APIP: variants seen among roughly 807,000 people sequenced by gnomAD.
APIP encodes methylthioribulose-1-phosphate dehydratase.
APIP carries 32 observed loss-of-function variants against 32.0 expected under a neutral mutation model. The ratio of observed to expected loss-of-function variants is 1.00; its 90% CI spans 0.76 to 1.34. The LOEUF (loss-of-function observed/expected upper bound fraction) is 1.34, where lower values mean the gene tolerates loss of function less well. APIP is among the 40% of genes most tolerant of loss of function. APIP has a pLI of 0.00. For missense variants in APIP, 247 were observed against 298.6 expected, an observed-to-expected ratio of 0.83 and a Z score of 1.27; for synonymous variants, 92 against 94.8, an observed-to-expected ratio of 0.97 and a Z score of 0.17.
chr11:34,903,788 CTT>C (rs1414070973), intron 1 of APIP, among the ~76,000 whole-genome samples: 1 of 152,168 alleles, frequency 6.6e-6, no homozygotes, highest in African/African-American at 2.4e-5. Context: ...GAATGGACCA[CTT>C]TGTCTCGAGG....
intron 1 of APIP, among the ~76,000 whole-genome samples, chr11:34,895,331 CATAT>C (rs1853251445): frequency 6.6e-6 from 1 of 152,112 alleles, no homozygotes; most frequent in Non-Finnish European, 1.5e-5. Flanking sequence ...GGTATAGGGC[CATAT>C]AGTCCAACAC....
At chr11:34,883,585 A>T in intron 5 of APIP, 81 bp from the exon 6 acceptor site, 1 of 1,440,912 alleles carries the variant, frequency 6.9e-7, no homozygotes, top group South Asian at 1.3e-5. Context: ...TTTTTCAAGT[A>T]ACCAGTTAGA....
intron 1 of APIP, among the ~76,000 whole-genome samples, chr11:34,914,209 CATGTT>C (rs1853609255): frequency 6.6e-6 from 1 of 152,192 alleles, no homozygotes; most frequent in African/African-American, 2.4e-5. Context: ...CAAACTATGT[CATGTT>C]GTCATACCAT....
intron 1 of APIP, among the ~76,000 whole-genome samples, chr11:34,898,519 G>A (rs1853315932): frequency 6.6e-6 from 1 of 152,122 alleles, no homozygotes; most frequent in Admixed American, 6.5e-5. Flanking sequence ...TTTTGGCAGA[G>A]AATCCCCAGC....
chr11:34,891,878 A>G (rs1250372529), intron 2 of APIP, among the ~76,000 whole-genome samples: 5 of 152,322 alleles, frequency 3.3e-5, no homozygotes, highest in African/African-American at 1.2e-4. Context: ...TCCTTGTGTA[A>G]CATGGAAGAA....
At chr11:34,895,726 G>C (rs191529676) in intron 1 of APIP, among the ~76,000 whole-genome samples, 1 of 143,430 alleles carries the variant, frequency 7.0e-6, no homozygotes, top group Non-Finnish European at 1.5e-5. Flanking sequence ...ATGAAGATAC[G>C]TGTTTATGAG....
At chr11:34,896,750 A>AT in intron 1 of APIP, 1 of 1,238,838 alleles carries the variant, frequency 8.1e-7, no homozygotes. Flanking sequence ...AACAAAGGAA[A>AT]ATGAGACTAC....
At chr11:34,907,415 C>T (rs888020702) in intron 1 of APIP, among the ~76,000 whole-genome samples, 3 of 152,224 alleles carry the variant, frequency 2.0e-5, no homozygotes, top group South Asian at 4.1e-4. Context: ...TCCAGTGCTG[C>T]GATATTACAG....
chr11:34,888,835 T>C lies in APIP; in HGVS notation c.242A>G (p.Lys81Arg), dbSNP rs149670209. Residue 81 changes from lysine to arginine, a missense_variant, in exon 4 of 7, where the codon AAG becomes AGG. Physicochemically the swap from Lys to Arg is conservative, Grantham distance 26. Coordinates refer to ENST00000395787, the MANE Select transcript of APIP (RefSeq NM_015957.4). ...CGATGGCGAAGGTCCACTTATGTCCTTTTCATTTATATCACAAACAAACAT... is the reference window on the plus strand; with the variant it reads ...CGATGGCGAAGGTCCACTTATGTCCCTTTCATTTATATCACAAACAAACAT... ...EDMFVCDINE[K>R]DISGPSPSKK... The C allele has an allele frequency of 1.3e-6, 2 of 1,500,566 alleles. No homozygotes were observed. The highest frequency in any genetic ancestry group is 1.5e-5 in the African/African-American group (1 of 67,830). The allele number at this position is 1,500,566 out of a possible 1,614,324, so 93.0% of individuals were successfully genotyped here.
rs549073155 is a variant in APIP, at chr11:34,889,017, T to C, written c.208-148A>G. 10 of 388,946 alleles carry C rather than the reference T, an allele frequency of 2.6e-5. No homozygotes were observed. The East Asian group carries it at 3.9e-4, about 15-fold the overall frequency. 24.1% of individuals were successfully genotyped at this position (388,946 alleles called of 1,614,324 possible). On this transcript the variant is annotated intron_variant, in intron 3 of 6. Coordinates refer to ENST00000395787, the MANE Select transcript of APIP (RefSeq NM_015957.4). ...TGTGTATATTTAGTATACATATACA[T>C]AGAGTGCTAATATATGCATATATTT...
intron 1 of APIP, among the ~76,000 whole-genome samples, chr11:34,898,151 TTCA>T (rs1853308867): frequency 6.6e-6 from 1 of 152,164 alleles, no homozygotes; most frequent in South Asian, 2.1e-4. Flanking sequence ...AGGTACAACA[TTCA>T]TCGGATGGTG....
At chr11:34,902,702 C>G (rs1026160167) in intron 1 of APIP, among the ~76,000 whole-genome samples, 3 of 152,184 alleles carry the variant, frequency 2.0e-5, no homozygotes, top group Non-Finnish European at 4.4e-5. Flanking sequence ...ACCTGGGAAC[C>G]TGAAGCTCAA....
intron 1 of APIP, among the ~76,000 whole-genome samples, chr11:34,915,082 C>T (rs1445190245): frequency 6.0e-5 from 9 of 150,292 alleles, no homozygotes; most frequent in African/African-American, 2.2e-4. Context: ...ACATGCCTGT[C>T]CACCAAGCTG....
chr11:34,913,586 T>C (rs1171637273), intron 1 of APIP, among the ~76,000 whole-genome samples: 1 of 152,178 alleles, frequency 6.6e-6, no homozygotes, highest in Non-Finnish European at 1.5e-5. Flanking sequence ...CAGGGAGTGT[T>C]ACAGCTCATA....
At chr11:34,886,337 T>A (rs959129179) in intron 5 of APIP, among the ~76,000 whole-genome samples, 1 of 151,612 alleles carries the variant, frequency 6.6e-6, no homozygotes, top group Non-Finnish European at 1.5e-5. Context: ...TTAAAAAAAA[T>A]TAAAATAGAA....
chr11:34,886,103 T>C (rs532815770), intron 5 of APIP, among the ~76,000 whole-genome samples: 4 of 152,280 alleles, frequency 2.6e-5, no homozygotes, highest in South Asian at 2.1e-4. Context: ...AAAAGTTAAC[T>C]GTAAAGCAGC....
At chr11:34,908,714 T>C (rs1319500289) in intron 1 of APIP, among the ~76,000 whole-genome samples, 1 of 152,262 alleles carries the variant, frequency 6.6e-6, no homozygotes, top group Non-Finnish European at 1.5e-5. Context: ...ACCAGTAGTC[T>C]GTTCTATGTT....
chr11:34,911,488 T>C (rs1853550121), intron 1 of APIP, among the ~76,000 whole-genome samples: 2 of 149,658 alleles, frequency 1.3e-5, no homozygotes, highest in South Asian at 4.3e-4. Flanking sequence ...TTAAAAAAAG[T>C]CCTGTATCAG....
rs1459142150 is a variant in APIP, at chr11:34,886,086, G to GT, written c.461+2206dup. Among the ~76,000 whole-genome samples, 11 of 152,020 alleles carry GT rather than the reference G, an allele frequency of 7.2e-5. 1 individual carries two copies. The highest frequency in any genetic ancestry group is 7.2e-4 in the Admixed American group (11 of 15,266). ...AGGGTGTACTCCTTCTACTTATATGGTTTTTAAAAAGTTAACTGTAAAGCA... is the reference window on the plus strand; with the variant it reads ...AGGGTGTACTCCTTCTACTTATATGGTTTTTTAAAAAGTTAACTGTAAAGCA... On this transcript the variant is annotated intron_variant, in intron 5 of 6. Coordinates refer to ENST00000395787, the MANE Select transcript of APIP (RefSeq NM_015957.4).
Sources: allele counts gnomAD v4.1 joint callset (sites outside exome capture counted in the v4.1 genomes callset), GRCh38; gene constraint gnomAD v4.1.1; transcripts MANE v1.5; gene names NCBI Gene and HGNC (gene_info 2026-07-23, HGNC 2026-07-21).